The following GRIK3 variants were observed in gnomAD, a reference collection of about 807,000 sequenced individuals.
The protein encoded by GRIK3 is glutamate receptor ionotropic, kainate 3.
GRIK3 carries 29 observed loss-of-function variants against 102.5 expected under a neutral mutation model. The observed-to-expected ratio is 0.28, with a 90% CI of 0.21 to 0.39. The LOEUF (loss-of-function observed/expected upper bound fraction) is 0.39, where lower values mean the gene tolerates loss of function less well. Among genes scored for constraint, GRIK3 ranks in the 10% least tolerant of loss-of-function variants. GRIK3 has a pLI of 1.00. For synonymous variants in GRIK3, 511 were observed against 504.9 expected, an observed-to-expected ratio of 1.01 and a Z score of -0.16; for missense variants, 908 against 1,252.4, an observed-to-expected ratio of 0.73 and a Z score of 4.15.
rs184051621 is a variant in GRIK3, at chr1:37,000,488, G to C, written c.115+33506C>G. Among the ~76,000 whole-genome samples, 250 of 152,226 alleles carry C rather than the reference G, an allele frequency of 1.6e-3. 2 individuals are homozygous for C. Among genetic ancestry groups the C allele is most frequent in the South Asian group, 5.2e-3 (25 of 4,812 alleles). ...GAAGTTGAGAGAGGAAAATGAAGTT[G>C]AGAGAGGAAAATGAAGTTCAGAGAG... On this transcript the variant is annotated intron_variant, in intron 1 of 15. Coordinates refer to ENST00000373091, the MANE Select transcript of GRIK3 (RefSeq NM_000831.4).
intron 1 of GRIK3, among the ~76,000 whole-genome samples, chr1:36,938,665 C>A (rs1472499006): frequency 1.3e-5 from 2 of 152,138 alleles, no homozygotes; most frequent in Admixed American, 1.3e-4. Context: ...CCAGCCCCAC[C>A]TCTTTTAGGA....
chr1:36,968,737 C>T (rs1228247600), intron 1 of GRIK3, among the ~76,000 whole-genome samples: 2 of 152,212 alleles, frequency 1.3e-5, no homozygotes, highest in Admixed American at 6.5e-5. Context: ...GGGTCTTTGC[C>T]ATGACATTCA....
chr1:36,975,480 G>C (rs61568981), intron 1 of GRIK3, among the ~76,000 whole-genome samples: 2 of 152,022 alleles, frequency 1.3e-5, no homozygotes, highest in African/African-American at 4.8e-5. Context: ...ATTTTTAGTA[G>C]AGACAGGGTT....
chr1:36,937,331 A>G (rs1049185534), intron 1 of GRIK3, among the ~76,000 whole-genome samples: 2 of 152,196 alleles, frequency 1.3e-5, no homozygotes, highest in Non-Finnish European at 2.9e-5. Flanking sequence ...CACCACGTTC[A>G]TGGAAGTGGG....
chr1:37,000,010 G>T (rs1277050312), intron 1 of GRIK3, among the ~76,000 whole-genome samples: 5 of 152,094 alleles, frequency 3.3e-5, no homozygotes, highest in Non-Finnish European at 5.9e-5. Flanking sequence ...AAAAAAAAGA[G>T]AACTTAATAT....
rs200785616 is a variant in GRIK3 at position 36,941,544 on chromosome 1, C to T, written c.116-50448G>A. Among the ~76,000 whole-genome samples, 14 of 152,140 alleles carry T rather than the reference C, an allele frequency of 9.2e-5. No individual in the cohort carries two copies. The East Asian group carries it at 2.3e-3, about 25-fold the overall frequency. ...CTGGCTCTCTCTTTCTCTCCATCTT[C>T]AGTGGGGTGGAGGGGGGGAGTGCTG... On this transcript the variant is annotated intron_variant, in intron 1 of 15. Coordinates refer to ENST00000373091, the MANE Select transcript of GRIK3 (RefSeq NM_000831.4).
At chr1:36,852,860 G>C (rs1253817760) in intron 8 of GRIK3, among the ~76,000 whole-genome samples, 5 of 152,200 alleles carry the variant, frequency 3.3e-5, no homozygotes, top group Non-Finnish European at 7.4e-5. Flanking sequence ...GGTCCCAGGG[G>C]ATGCTGTGAA....
chr1:36,957,938 C>A (rs1218016181), intron 1 of GRIK3, among the ~76,000 whole-genome samples: 1 of 53,162 alleles, frequency 1.9e-5, no homozygotes, highest in Non-Finnish European at 3.3e-5. Context: ...GCCCCATGAG[C>A]CTGTGTGTCC....
At chr1:36,805,529 G>A (rs1642489493) in intron 14 of GRIK3, among the ~76,000 whole-genome samples, 1 of 152,206 alleles carries the variant, frequency 6.6e-6, no homozygotes, top group Non-Finnish European at 1.5e-5. Context: ...GGGAAGGCAG[G>A]AATGGCCTCT....
In GRIK3 at chr1:36,796,357, G is replaced by A. The variant is rs966361164; in HGVS notation, c.*5494C>T. The A allele has an allele frequency of 2.0e-5, 3 of 152,264 alleles. No homozygotes were observed. Among genetic ancestry groups the A allele is most frequent in the African/African-American group, 7.2e-5 (3 of 41,458 alleles). The allele number at this position is 152,264 out of a possible 1,614,324, so 9.4% of individuals were successfully genotyped here. A position where few individuals can be genotyped will look rare whatever the true frequency, so the allele number is the denominator to read the frequency against. On this transcript the variant is annotated 3_prime_UTR_variant, in exon 16 of 16. Transcript: ENST00000373091. Reference sequence around the variant, plus strand: ...GACAGATGGAGCCTGGGCTGTGCTAGGATAGGAGCTACCTTCTTGCCTCTC... The same window carrying A: ...GACAGATGGAGCCTGGGCTGTGCTAAGATAGGAGCTACCTTCTTGCCTCTC...
intron 11 of GRIK3, among the ~76,000 whole-genome samples, chr1:36,821,544 C>T (rs1169765032): frequency 1.3e-5 from 2 of 152,184 alleles, no homozygotes; most frequent in East Asian, 1.9e-4. Flanking sequence ...CCAGGAGAGT[C>T]CCTGCTGCAC....
chr1:36,842,206 G>A (rs1055822947), intron 9 of GRIK3, among the ~76,000 whole-genome samples: 5 of 152,272 alleles, frequency 3.3e-5, no homozygotes, highest in Non-Finnish European at 7.4e-5. Context: ...GCTAGTGAGC[G>A]GTGGAGCAGG....
At chr1:37,029,637 A>C (rs1642799871) in intron 1 of GRIK3, among the ~76,000 whole-genome samples, 1 of 152,224 alleles carries the variant, frequency 6.6e-6, no homozygotes, top group Non-Finnish European at 1.5e-5. Context: ...GAGGAGGGGT[A>C]GTTCCACAGC....
At chr1:36,881,295 A>T (rs1374557466) in intron 2 of GRIK3, among the ~76,000 whole-genome samples, 1 of 151,790 alleles carries the variant, frequency 6.6e-6, no homozygotes, top group Non-Finnish European at 1.5e-5. Context: ...TTCAACTTCA[A>T]CCTCTAGCCC....
chr1:36,975,783 C>T (rs1443785238), intron 1 of GRIK3, among the ~76,000 whole-genome samples: 4 of 152,228 alleles, frequency 2.6e-5, no homozygotes, highest in Non-Finnish European at 5.9e-5. Flanking sequence ...CTCATTACAG[C>T]TGCAAATTCT....
intron 1 of GRIK3, among the ~76,000 whole-genome samples, chr1:36,977,500 A>T (rs1409479057): frequency 6.6e-6 from 1 of 152,234 alleles, no homozygotes; most frequent in Non-Finnish European, 1.5e-5. Flanking sequence ...TGCTCAATTA[A>T]CAGGCTCTGT....
intron 2 of GRIK3, among the ~76,000 whole-genome samples, chr1:36,889,734 GA>G (rs1641081370): frequency 6.6e-6 from 1 of 152,132 alleles, no homozygotes; most frequent in Admixed American, 6.5e-5. Context: ...CCTGGCTGGG[GA>G]AGGTCCCTGT....
chr1:37,011,036 C>T (rs1459738558), intron 1 of GRIK3, among the ~76,000 whole-genome samples: 5 of 152,194 alleles, frequency 3.3e-5, no homozygotes, highest in African/African-American at 9.7e-5. Flanking sequence ...CCACCACGCC[C>T]GGCCTACCTG....
rs1233383207 is a variant in GRIK3, at chr1:37,034,369, G to C, written c.-261C>G. Among the ~76,000 whole-genome samples the C allele has an allele frequency of 7.3e-5, 11 of 150,678 alleles. No homozygotes were observed. The highest frequency in any genetic ancestry group is 7.3e-4 in the Admixed American group (11 of 15,154). On this transcript the variant is annotated 5_prime_UTR_variant, in exon 1 of 16. Coordinates refer to ENST00000373091, the MANE Select transcript of GRIK3 (RefSeq NM_000831.4). ...CCTGGGCTCCGCCCGGACTCCGCTC[G>C]GACTCGGCTCCGGCTCCGACTCGCG...
Sources: allele counts gnomAD v4.1 joint callset (sites outside exome capture counted in the v4.1 genomes callset), GRCh38; gene constraint gnomAD v4.1.1; transcripts MANE v1.5; gene names NCBI Gene and HGNC (gene_info 2026-07-23, HGNC 2026-07-21).